NFX1: variants seen among roughly 807,000 people sequenced by gnomAD.
NFX1 encodes the protein transcriptional repressor NF-X1.
A neutral mutation model predicts 137.2 loss-of-function variants in NFX1; 69 were observed. That is an observed-to-expected ratio of 0.50 (90% CI 0.41 to 0.61). The LOEUF is 0.61. Ranked by LOEUF, NFX1 falls within the 20% of genes least tolerant of loss-of-function variation. The pLI, the probability that NFX1 is intolerant of heterozygous loss-of-function variation, is 0.00. For missense variants in NFX1, 1,167 were observed against 1,391.0 expected, an observed-to-expected ratio of 0.84 and a Z score of 2.56; for synonymous variants, 495 against 474.1, an observed-to-expected ratio of 1.04 and a Z score of -0.57.
At chr9:33,322,760 C>T (rs1401911953) in intron 9 of NFX1, among the ~76,000 whole-genome samples, 2 of 152,118 alleles carry the variant, frequency 1.3e-5, no homozygotes, top group African/African-American at 2.4e-5. Flanking sequence ...AAGAGAGCTC[C>T]GAGGTACTCT....
At chr9:33,318,677 T>C (rs1382038314) in intron 7 of NFX1, 54 bp from the exon 8 acceptor site, 1 of 1,488,152 alleles carries the variant, frequency 6.7e-7, no homozygotes, top group Non-Finnish European at 9.4e-7. Context: ...TTTGTGACAT[T>C]TTAAGAACCC....
rs1209135265 is a variant in NFX1 at position 33,351,775 on chromosome 9, T to C, written c.2640T>C (p.Thr880=). The part of the protein sequence containing the change: ...PCHTSSPCPV[T]ACKAKVELQC... ...ATACCAGCTCACCCTGCCCTGTGACTGCTTGTAAAGCTAAGGTGGGTATTT... is the reference window on the plus strand; with the variant it reads ...ATACCAGCTCACCCTGCCCTGTGACCGCTTGTAAAGCTAAGGTGGGTATTT... Residue 880 remains threonine, a synonymous_variant, in exon 16 of 24, where the codon ACT becomes ACC. Coordinates refer to ENST00000379540, the MANE Select transcript of NFX1 (RefSeq NM_002504.6). 6.3e-7 allele frequency: 1 copy of C among 1,589,132 alleles called. No homozygotes were observed. Among genetic ancestry groups the C allele is most frequent in the Non-Finnish European group, 8.6e-7 (1 of 1,168,902 alleles).
intron 7 of NFX1, among the ~76,000 whole-genome samples, chr9:33,315,101 C>T (rs556329349): frequency 2.0e-5 from 3 of 152,020 alleles, no homozygotes; most frequent in African/African-American, 4.8e-5. Flanking sequence ...TGGCGGGCGC[C>T]GGTAATCCCA....
At chr9:33,326,123 AAG>A (rs1030176959) in intron 9 of NFX1, among the ~76,000 whole-genome samples, 2 of 152,022 alleles carry the variant, frequency 1.3e-5, no homozygotes, top group African/African-American at 4.8e-5. Context: ...AATTTTGTAT[AAG>A]AGGGGGGCTA....
At chr9:33,319,816 C>T (rs1822316510) in intron 9 of NFX1, among the ~76,000 whole-genome samples, 1 of 151,472 alleles carries the variant, frequency 6.6e-6, no homozygotes, top group African/African-American at 2.4e-5. Flanking sequence ...GGCCAAAGAA[C>T]TAAAATTGTA....
At chr9:33,311,004 G>A (rs1821940407) in intron 5 of NFX1, 102 bp from the exon 6 acceptor site, 1 of 902,366 alleles carries the variant, frequency 1.1e-6, no homozygotes, top group East Asian at 2.4e-5. Context: ...TGTCATAGTA[G>A]ATGTATTTGT....
chr9:33,331,859 C>T (rs185479042), intron 10 of NFX1, among the ~76,000 whole-genome samples: 4 of 152,304 alleles, frequency 2.6e-5, no homozygotes, highest in Non-Finnish European at 1.5e-5. Flanking sequence ...TGACTTCCTT[C>T]CCACACACCA....
chr9:33,363,263 G>GTAT (rs60988084), intron 19 of NFX1, among the ~76,000 whole-genome samples: 11,500 of 144,736 alleles, frequency 0.079, 515 homozygotes, highest in African/African-American at 0.095. Flanking sequence ...ATAAAGAAAT[G>GTAT]TATTATTATT....
At chr9:33,333,358 A>C (rs943029472) in intron 11 of NFX1, among the ~76,000 whole-genome samples, 12 of 152,190 alleles carry the variant, frequency 7.9e-5, no homozygotes, top group African/African-American at 2.9e-4. Flanking sequence ...ACCTGATAGG[A>C]TATCTGGAGG....
At chr9:33,296,263 C>T (rs1266425042) in intron 2 of NFX1, among the ~76,000 whole-genome samples, 8 of 152,168 alleles carry the variant, frequency 5.3e-5, no homozygotes, top group Non-Finnish European at 1.0e-4. Flanking sequence ...TGCTTAATTC[C>T]GTTTACTGCT....
intron 19 of NFX1, 59 bp downstream of exon 19, chr9:33,354,951 G>T: frequency 2.6e-6 from 4 of 1,543,618 alleles, no homozygotes; most frequent in Non-Finnish European, 3.6e-6. Context: ...GAAATTAATG[G>T]GAGGGAGCAA....
At chr9:33,357,311 TAATA>T (rs925836809) in intron 19 of NFX1, among the ~76,000 whole-genome samples, 3 of 151,842 alleles carry the variant, frequency 2.0e-5, no homozygotes, top group South Asian at 2.1e-4. Context: ...CAAAAAATAA[TAATA>T]AATAAATAAA....
At chr9:33,318,069 A>G (rs1174341914) in intron 7 of NFX1, among the ~76,000 whole-genome samples, 1 of 150,942 alleles carries the variant, frequency 6.6e-6, no homozygotes, top group African/African-American at 2.4e-5. Flanking sequence ...ATTATTTTTA[A>G]TACCTTATTA....
rs12555104 is a variant in NFX1, at chr9:33,305,054, G to C, written c.1270+1786G>C. 4.9e-3 allele frequency among the ~76,000 whole-genome samples: 739 copies of C among 152,308 alleles called. 12 individuals are homozygous for C. Among genetic ancestry groups the C allele is most frequent in the South Asian group, 0.011 (55 of 4,824 alleles). On this transcript the variant is annotated intron_variant, in intron 4 of 23. Transcript: ENST00000379540. ...TTTGCAGATGACTTTGCCCCACACT[G>C]TTCTTCCAGGGGACCATTAATTTAA... is the stretch of plus-strand genomic sequence containing the variant.
chr9:33,332,880 C>T (rs1045565860), intron 11 of NFX1, among the ~76,000 whole-genome samples: 1 of 152,232 alleles, frequency 6.6e-6, no homozygotes, highest in Non-Finnish European at 1.5e-5. Flanking sequence ...GAGTCTCGCT[C>T]TGTTTCGCAG....
chr9:33,351,995 A>G lies in NFX1; in HGVS notation c.2655+205A>G. On this transcript the variant is annotated intron_variant, in intron 16 of 23. Transcript: ENST00000379540. Reference sequence around the variant, plus strand: ...TGGCCTTTTGATTCAGCAGGTACCCACTGCCACCGGACCACAGTCTGTGTC... The same window carrying G: ...TGGCCTTTTGATTCAGCAGGTACCCGCTGCCACCGGACCACAGTCTGTGTC... The G allele has an allele frequency of 1.4e-5, 7 of 511,616 alleles. No individual in the cohort carries two copies. In the South Asian group the frequency reaches 2.3e-4, roughly 17 times the overall value. The allele number at this position is 511,616 out of a possible 1,614,324, so 31.7% of individuals were successfully genotyped here. A position where few individuals can be genotyped will look rare whatever the true frequency, so the allele number is the denominator to read the frequency against.
intron 14 of NFX1, among the ~76,000 whole-genome samples, chr9:33,344,556 C>T (rs1373958032): frequency 1.3e-5 from 2 of 152,122 alleles, no homozygotes; most frequent in Admixed American, 1.3e-4. Context: ...ATATATTTAT[C>T]GTATTAAAAT....
intron 9 of NFX1, among the ~76,000 whole-genome samples, chr9:33,324,692 C>CT (rs1216951864): frequency 6.6e-6 from 1 of 152,048 alleles, no homozygotes; most frequent in Admixed American, 6.6e-5. Flanking sequence ...TTTTGGGAGG[C>CT]TGAGGCAGGC....
chr9:33,296,848 A>G (rs1175712505), intron 2 of NFX1, among the ~76,000 whole-genome samples: 2 of 152,216 alleles, frequency 1.3e-5, no homozygotes, highest in Non-Finnish European at 1.5e-5. Flanking sequence ...CTTCTATTAC[A>G]GAACTTACAC....
Sources: gnomAD v4.1 joint callset for allele counts (sites outside exome capture counted in the v4.1 genomes callset) on GRCh38, gnomAD v4.1.1 for gene constraint, MANE v1.5 for transcripts, NCBI Gene and HGNC (gene_info 2026-07-23, HGNC 2026-07-21) for gene names.